FOXP1: variants seen among roughly 807,000 people sequenced by gnomAD.
The protein encoded by FOXP1 is forkhead box protein P1.
A neutral mutation model predicts 98.2 loss-of-function variants in FOXP1; 15 were observed. That is an observed-to-expected ratio of 0.15 (90% CI 0.10 to 0.24). The LOEUF is 0.24. Ranked by LOEUF, FOXP1 falls within the 10% of genes least tolerant of loss-of-function variation. FOXP1 has a pLI of 1.00. For missense variants in FOXP1, 633 were observed against 848.5 expected, an observed-to-expected ratio of 0.75 and a Z score of 3.15; for synonymous variants, 371 against 314.5, an observed-to-expected ratio of 1.18 and a Z score of -1.90.
chr3:71,310,330 T>C (rs1216934378), intron 4 of FOXP1, among the ~76,000 whole-genome samples: 1 of 152,190 alleles, frequency 6.6e-6, no homozygotes, highest in Non-Finnish European at 1.5e-5. Flanking sequence ...TCTAATTGCT[T>C]CCAAAAGGTG....
chr3:71,506,692 A>G (rs760087547), intron 2 of FOXP1, among the ~76,000 whole-genome samples: 1 of 152,110 alleles, frequency 6.6e-6, no homozygotes, highest in Non-Finnish European at 1.5e-5. Flanking sequence ...CCTCAGTACC[A>G]GCCAGCTACC....
chr3:71,389,660 T>C (rs1464661776), intron 3 of FOXP1, among the ~76,000 whole-genome samples: 2 of 152,090 alleles, frequency 1.3e-5, no homozygotes, highest in East Asian at 3.9e-4. Context: ...AAAGATAGAA[T>C]AATTGAGAAT....
At chr3:71,488,999 CCT>C (rs1191283210) in intron 3 of FOXP1, among the ~76,000 whole-genome samples, 1 of 152,198 alleles carries the variant, frequency 6.6e-6, no homozygotes, top group Non-Finnish European at 1.5e-5. Flanking sequence ...GGGCTGGCCC[CCT>C]GACAGGCTGC....
At chr3:71,345,319 C>T (rs2077258364) in intron 4 of FOXP1, among the ~76,000 whole-genome samples, 1 of 151,734 alleles carries the variant, frequency 6.6e-6, no homozygotes, top group South Asian at 2.1e-4. Flanking sequence ...ACCCAGAAGG[C>T]AGAGGTTGCA....
chr3:71,035,902 C>T (rs756273560), intron 11 of FOXP1, among the ~76,000 whole-genome samples: 11 of 152,046 alleles, frequency 7.2e-5, no homozygotes, highest in Non-Finnish European at 1.6e-4. Flanking sequence ...TGGAACAGTT[C>T]TGAAAACTAA....
At chr3:71,197,950 G>A (rs757045108) in intron 6 of FOXP1, 2 of 1,614,128 alleles carry the variant, frequency 1.2e-6, no homozygotes, top group Non-Finnish European at 1.7e-6. Flanking sequence ...ACTCATCTTC[G>A]TCTCAGCAAC....
chr3:71,382,980 T>G (rs1024810100), intron 3 of FOXP1, among the ~76,000 whole-genome samples: 2 of 152,218 alleles, frequency 1.3e-5, no homozygotes, highest in African/African-American at 4.8e-5. Context: ...GTATGAGAAC[T>G]TGAAAAATAA....
chr3:71,157,437 T>C (rs2060879301), intron 6 of FOXP1, among the ~76,000 whole-genome samples: 1 of 152,190 alleles, frequency 6.6e-6, no homozygotes, highest in African/African-American at 2.4e-5. Context: ...TAAATACAAA[T>C]TGGAATGTTA....
At chr3:71,433,173 T>C (rs1302928790) in intron 3 of FOXP1, among the ~76,000 whole-genome samples, 1 of 152,228 alleles carries the variant, frequency 6.6e-6, no homozygotes, top group African/African-American at 2.4e-5. Flanking sequence ...TGTTAGCATA[T>C]GTAAGACTTC....
At chr3:71,174,400 A>T (rs1296041789) in intron 6 of FOXP1, among the ~76,000 whole-genome samples, 6 of 152,136 alleles carry the variant, frequency 3.9e-5, no homozygotes, top group Non-Finnish European at 8.8e-5. Context: ...CAGCCTGGGC[A>T]ACACGGCAAG....
At chr3:71,369,854 C>T (rs2079175625) in intron 3 of FOXP1, among the ~76,000 whole-genome samples, 1 of 152,168 alleles carries the variant, frequency 6.6e-6, no homozygotes, top group South Asian at 2.1e-4. Context: ...ATGTTTGAAG[C>T]ACAATATAGC....
intron 6 of FOXP1, among the ~76,000 whole-genome samples, chr3:71,186,705 G>A (rs1285510132): frequency 6.6e-5 from 10 of 152,142 alleles, no homozygotes; most frequent in South Asian, 2.1e-4. Context: ...GCAAGACTCC[G>A]TCTCAAACGA....
chr3:70,956,481 A>C lies in FOXP1; in HGVS notation c.*2766T>G. On this transcript the variant is annotated 3_prime_UTR_variant, in exon 21 of 21. Transcript: ENST00000649528. ...CAAGACATACGACTAAGTGCAACTGAGTGAAATGTTTTTTTTTTAAATTTT... is the reference window on the plus strand; with the variant it reads ...CAAGACATACGACTAAGTGCAACTGCGTGAAATGTTTTTTTTTTAAATTTT... 4.4e-6 allele frequency: 1 copy of C among 226,572 alleles called. No homozygotes were observed. The highest frequency in any genetic ancestry group is 8.7e-6 in the Non-Finnish European group (1 of 114,724). 14.0% of individuals were successfully genotyped at this position (226,572 alleles called of 1,614,324 possible). A position where few individuals can be genotyped will look rare whatever the true frequency, so the allele number is the denominator to read the frequency against.
chr3:71,142,352 C>G (rs1399615728), intron 6 of FOXP1, among the ~76,000 whole-genome samples: 1 of 152,156 alleles, frequency 6.6e-6, no homozygotes, highest in Non-Finnish European at 1.5e-5. Flanking sequence ...AATCCAGGTG[C>G]TATGTGAAGG....
chr3:71,063,873 T>A (rs1412789052), intron 7 of FOXP1, among the ~76,000 whole-genome samples: 2 of 152,220 alleles, frequency 1.3e-5, no homozygotes, highest in Non-Finnish European at 2.9e-5. Flanking sequence ...AGTCTATATG[T>A]ACTTTGCTCT....
intron 6 of FOXP1, chr3:71,197,749 T>C: frequency 2.3e-6 from 2 of 855,776 alleles, no homozygotes; most frequent in Non-Finnish European, 3.6e-6. Flanking sequence ...TGTCTTTCTA[T>C]GTATTTATTT....
chr3:70,968,806 G>GGCCTGCTGGCAGAATCCTTATTTA (rs2035541200), intron 19 of FOXP1: 1 of 152,162 alleles, frequency 6.6e-6, no homozygotes, highest in African/African-American at 2.4e-5. Flanking sequence ...TGGAAAGGAA[G>GGCCTGCTGGCAGAATCCTTATTTA]GCCTGCTGGC....
chr3:71,449,532 C>G (rs536116993), intron 3 of FOXP1, among the ~76,000 whole-genome samples: 1 of 152,302 alleles, frequency 6.6e-6, no homozygotes, highest in East Asian at 1.9e-4. Context: ...AGGACTATTT[C>G]CTAGAACCTT....
chr3:71,042,013 C>T (rs2106883447), intron 10 of FOXP1, among the ~76,000 whole-genome samples: 1 of 152,262 alleles, frequency 6.6e-6, no homozygotes, highest in South Asian at 2.1e-4. Flanking sequence ...CACTTTTAGA[C>T]ATAAATTATG....
Sources: allele counts gnomAD v4.1 joint callset (sites outside exome capture counted in the v4.1 genomes callset), GRCh38; gene constraint gnomAD v4.1.1; transcripts MANE v1.5; gene names NCBI Gene and HGNC (gene_info 2026-07-23, HGNC 2026-07-21).